The following PITPNC1 variants were observed in gnomAD, a reference collection of about 807,000 sequenced individuals.
PITPNC1 encodes cytoplasmic phosphatidylinositol transfer protein 1.
Under a neutral mutation model 44.7 loss-of-function variants are expected in PITPNC1, and 18 were observed. That is an observed-to-expected ratio of 0.40 (90% CI 0.28 to 0.60). The LOEUF (loss-of-function observed/expected upper bound fraction) is 0.60, where lower values mean the gene tolerates loss of function less well. Ranked by LOEUF, PITPNC1 falls within the 20% of genes least tolerant of loss-of-function variation. The pLI, the probability that PITPNC1 is intolerant of heterozygous loss-of-function variation, is 0.39. For synonymous variants in PITPNC1, 141 were observed against 149.6 expected (o/e 0.94, Z 0.42); for missense variants, 290 against 418.4 (o/e 0.69, Z 2.68).
chr17:67,419,796 C>A (rs2038643850), intron 1 of PITPNC1, among the ~76,000 whole-genome samples: 1 of 152,008 alleles, frequency 6.6e-6, no homozygotes, highest in South Asian at 2.1e-4. Context: ...ATCCTAGCTA[C>A]TCGGGAGGCT....
At chr17:67,594,215 G>A (rs2041430553) in intron 5 of PITPNC1, among the ~76,000 whole-genome samples, 1 of 152,202 alleles carries the variant, frequency 6.6e-6, no homozygotes, top group Non-Finnish European at 1.5e-5. Context: ...GCTGTGTAAA[G>A]GGGAAAATGG....
At position 67,695,761 on chromosome 17, in the gene PITPNC1, T is replaced by C. The variant is rs1302937787; in HGVS notation, c.*2873T>C. On this transcript the variant is annotated 3_prime_UTR_variant, in exon 9 of 9. Coordinates refer to ENST00000581322, the MANE Select transcript of PITPNC1 (RefSeq NM_012417.4). ...TCATCTCTGAAGTTAGTGGAGACCA[T>C]CAAAATGACTGTACATTTCATAACT... 1 of 152,116 alleles carries C rather than the reference T, an allele frequency of 6.6e-6. No homozygotes were observed. Among genetic ancestry groups the C allele is most frequent in the Non-Finnish European group, 1.5e-5 (1 of 68,012 alleles). The allele number at this position is 152,116 out of a possible 1,614,324, so 9.4% of individuals were successfully genotyped here. A position where few individuals can be genotyped will look rare whatever the true frequency, so the allele number is the denominator to read the frequency against.
chr17:67,381,022 C>A (rs1025045011), intron 1 of PITPNC1, among the ~76,000 whole-genome samples: 1 of 152,276 alleles, frequency 6.6e-6, no homozygotes, highest in Admixed American at 6.5e-5. Context: ...ATCCTCCTGC[C>A]TCAGCCTTTT....
At chr17:67,435,341 G>C (rs537223512) in intron 1 of PITPNC1, among the ~76,000 whole-genome samples, 11 of 152,208 alleles carry the variant, frequency 7.2e-5, no homozygotes, top group South Asian at 6.2e-4. Context: ...TTCACTAAAC[G>C]TGACACCCTC....
chr17:67,598,809 C>T (rs901381109), intron 5 of PITPNC1, among the ~76,000 whole-genome samples: 1 of 151,454 alleles, frequency 6.6e-6, no homozygotes, highest in African/African-American at 2.4e-5. Context: ...AGGAGAATTG[C>T]TTGAACCTGA....
rs1199172207 is a variant in PITPNC1 at position 67,496,933 on chromosome 17, G to GT, written c.49-35865dup. ...TAGTTTAAAAAAAAAAAAAAGTGCTGTTTTATCCTTTTGGACCCTATACTG... is the reference window on the plus strand; with the variant it reads ...TAGTTTAAAAAAAAAAAAAAGTGCTGTTTTTATCCTTTTGGACCCTATACTG... On this transcript the variant is annotated intron_variant, in intron 1 of 8. Transcript: ENST00000581322. 7.3e-5 allele frequency among the ~76,000 whole-genome samples: 11 copies of GT among 151,596 alleles called. No individual in the cohort carries two copies. The East Asian group carries it at 2.1e-3, about 29-fold the overall frequency.
chr17:67,412,432 C>T (rs1439835614), intron 1 of PITPNC1, among the ~76,000 whole-genome samples: 1 of 152,110 alleles, frequency 6.6e-6, no homozygotes, highest in Non-Finnish European at 1.5e-5. Context: ...TCTCAAAGAC[C>T]TCATCCCTCA....
intron 5 of PITPNC1, among the ~76,000 whole-genome samples, chr17:67,618,985 G>A (rs2041796363): frequency 6.6e-6 from 1 of 152,002 alleles, no homozygotes; most frequent in Non-Finnish European, 1.5e-5. Flanking sequence ...CGTGAACCCG[G>A]GAGGTGGATC....
intron 5 of PITPNC1, among the ~76,000 whole-genome samples, chr17:67,627,923 CTTTT>C (rs1265949281): frequency 6.7e-6 from 1 of 149,612 alleles, no homozygotes; most frequent in Non-Finnish European, 1.5e-5. Context: ...TCTTCTTCTT[CTTTT>C]TTGTTTTTTT....
chr17:67,666,265 G>A (rs978279249), intron 6 of PITPNC1, among the ~76,000 whole-genome samples: 2 of 152,200 alleles, frequency 1.3e-5, no homozygotes, highest in Non-Finnish European at 2.9e-5. Context: ...CAAAGTATTG[G>A]GATTAAAGGC....
At chr17:67,422,662 C>T (rs565779414) in intron 1 of PITPNC1, among the ~76,000 whole-genome samples, 30 of 152,230 alleles carry the variant, frequency 2.0e-4, no homozygotes, top group African/African-American at 6.5e-4. Context: ...ATTCTCCTGC[C>T]TCAGCCTCCT....
chr17:67,570,169 C>A (rs756535892), intron 4 of PITPNC1, among the ~76,000 whole-genome samples: 1 of 152,264 alleles, frequency 6.6e-6, no homozygotes, highest in South Asian at 2.1e-4. Flanking sequence ...CGGACGTGCA[C>A]CCTTTAGATC....
intron 1 of PITPNC1, among the ~76,000 whole-genome samples, chr17:67,407,089 C>G (rs1304135251): frequency 6.6e-6 from 1 of 152,194 alleles, no homozygotes; most frequent in Non-Finnish European, 1.5e-5. Flanking sequence ...AGCTGCCAAA[C>G]TGGTTTCCAC....
At chr17:67,574,941 C>T (rs1347037407) in intron 4 of PITPNC1, among the ~76,000 whole-genome samples, 1 of 152,044 alleles carries the variant, frequency 6.6e-6, no homozygotes, top group African/African-American at 2.4e-5. Flanking sequence ...AACCAAAGTC[C>T]CCACTCAAAA....
At chr17:67,625,658 C>T (rs935134748) in intron 5 of PITPNC1, among the ~76,000 whole-genome samples, 27 of 152,292 alleles carry the variant, frequency 1.8e-4, no homozygotes, top group Admixed American at 5.9e-4. Context: ...TCCCACTGCT[C>T]CGTGGCAGCC....
chr17:67,425,197 G>GCGCGCGCGCGCGCGCGCGCGCA lies in PITPNC1; in HGVS notation c.48+46996_48+46997insGCGCGCGCGCGCGCGCGCGCAC, dbSNP rs748898605. ...AAACAGCCATGTTGTGCGCGCGCAC[G>GCGCGCGCGCGCGCGCGCGCGCA]CACACGCACACACACACACACACAC... On this transcript the variant is annotated intron_variant, in intron 1 of 8. Coordinates refer to ENST00000581322, the MANE Select transcript of PITPNC1 (RefSeq NM_012417.4). Among the ~76,000 whole-genome samples, 2 of 98,430 alleles carry GCGCGCGCGCGCGCGCGCGCGCA rather than the reference G, an allele frequency of 2.0e-5. 1 individual carries two copies. Among genetic ancestry groups the GCGCGCGCGCGCGCGCGCGCGCA allele is most frequent in the African/African-American group, 7.2e-5 (2 of 27,844 alleles). The allele number at this position is 98,430 out of a possible 152,430, so 64.6% of individuals were successfully genotyped here.
chr17:67,419,420 C>T (rs180926731), intron 1 of PITPNC1, among the ~76,000 whole-genome samples: 4 of 152,200 alleles, frequency 2.6e-5, no homozygotes, highest in Admixed American at 2.0e-4. Flanking sequence ...GTGCCAGGCT[C>T]GAGGATCCTT....
intron 1 of PITPNC1, among the ~76,000 whole-genome samples, chr17:67,421,207 A>G (rs1273267468): frequency 1.3e-5 from 2 of 152,174 alleles, no homozygotes; most frequent in Non-Finnish European, 2.9e-5. Context: ...AGTCATTCAC[A>G]CATACAGCTC....
intron 6 of PITPNC1, among the ~76,000 whole-genome samples, chr17:67,639,518 A>G (rs913736843): frequency 1.1e-4 from 16 of 151,786 alleles, no homozygotes; most frequent in Non-Finnish European, 2.1e-4. Context: ...AATTGTTTGT[A>G]CTCAGATAGC....
Sources: allele counts gnomAD v4.1 joint callset (sites outside exome capture counted in the v4.1 genomes callset), GRCh38; gene constraint gnomAD v4.1.1; transcripts MANE v1.5; gene names NCBI Gene and HGNC (gene_info 2026-07-23, HGNC 2026-07-21).